The following ZMAT4 variants were observed in gnomAD, a reference collection of about 807,000 sequenced individuals.
The protein encoded by ZMAT4 is zinc finger matrin-type 4, also known as zinc finger matrin-type protein 4.
ZMAT4 carries 17 observed loss-of-function variants against 28.7 expected under a neutral mutation model. That is an observed-to-expected ratio of 0.59 (90% CI 0.41 to 0.89). ZMAT4 has a LOEUF of 0.89. Among genes scored for constraint, ZMAT4 ranks in the 40% least tolerant of loss-of-function variants. The pLI, the probability that ZMAT4 is intolerant of heterozygous loss-of-function variation, is 0.00. For missense variants in ZMAT4, 240 were observed against 283.8 expected (o/e 0.85, Z 1.11); for synonymous variants, 117 against 109.2 (o/e 1.07, Z -0.44).
At chr8:40,794,559 A>T (rs549590590) in intron 2 of ZMAT4, among the ~76,000 whole-genome samples, 2 of 151,960 alleles carry the variant, frequency 1.3e-5, no homozygotes, top group African/African-American at 4.8e-5. Flanking sequence ...TGTCTTAGGG[A>T]TGGGGGAAAG....
At chr8:40,649,154 A>T (rs1316368235) in intron 5 of ZMAT4, among the ~76,000 whole-genome samples, 1 of 152,110 alleles carries the variant, frequency 6.6e-6, no homozygotes, top group Non-Finnish European at 1.5e-5. Flanking sequence ...GTCAAGACCC[A>T]TCAGTGTGCT....
chr8:40,863,513 A>G (rs1158616762), intron 1 of ZMAT4, among the ~76,000 whole-genome samples: 2 of 152,186 alleles, frequency 1.3e-5, no homozygotes, highest in Non-Finnish European at 2.9e-5. Flanking sequence ...GGGGCAGAGA[A>G]GAACACAAGA....
chr8:40,887,497 A>AT (rs1295368636), intron 1 of ZMAT4, among the ~76,000 whole-genome samples: 2 of 152,074 alleles, frequency 1.3e-5, no homozygotes, highest in Non-Finnish European at 2.9e-5. Flanking sequence ...TCAGAAAAAA[A>AT]AAAAAAAAGT....
chr8:40,536,153 T>G (rs1292260788), intron 6 of ZMAT4, among the ~76,000 whole-genome samples: 1 of 152,206 alleles, frequency 6.6e-6, no homozygotes, highest in African/African-American at 2.4e-5. Context: ...ATTGAACATT[T>G]CCTAATTTCT....
At chr8:40,673,373 C>T (rs1346108709) in intron 5 of ZMAT4, among the ~76,000 whole-genome samples, 5 of 152,102 alleles carry the variant, frequency 3.3e-5, no homozygotes, top group Non-Finnish European at 7.4e-5. Context: ...TTATAATTAT[C>T]CCCCTTACAG....
intron 3 of ZMAT4, among the ~76,000 whole-genome samples, chr8:40,742,087 A>AAAAAAAACAAAAAACAAAAAAC (rs10624990): frequency 2.0e-5 from 3 of 148,608 alleles, no homozygotes; most frequent in Non-Finnish European, 4.5e-5. Flanking sequence ...AAAAATACAA[A>AAAAAAAACAAAAAACAAAAAAC]AAAAAACAAA....
intron 2 of ZMAT4, among the ~76,000 whole-genome samples, chr8:40,824,751 AAAAAGAAAGAAAG>A (rs562052904): frequency 1.5e-4 from 23 of 151,420 alleles, no homozygotes; most frequent in East Asian, 5.8e-4. Flanking sequence ...AAGAAAAGAA[AAAAAGAAAGAAAG>A]AAAAGAAAGA....
chr8:40,601,122 T>G (rs1405892516), intron 5 of ZMAT4, among the ~76,000 whole-genome samples: 11 of 152,000 alleles, frequency 7.2e-5, no homozygotes, highest in Non-Finnish European at 1.3e-4. Flanking sequence ...ATGAAAAACT[T>G]TATTCAGTTG....
At chr8:40,802,685 G>T (rs1412627236) in intron 2 of ZMAT4, among the ~76,000 whole-genome samples, 1 of 152,044 alleles carries the variant, frequency 6.6e-6, no homozygotes, top group Non-Finnish European at 1.5e-5. Flanking sequence ...ATCTGAAAAA[G>T]TTATTTTGTG....
At chr8:40,640,155 T>G (rs937162749) in intron 5 of ZMAT4, among the ~76,000 whole-genome samples, 4 of 152,148 alleles carry the variant, frequency 2.6e-5, no homozygotes, top group Admixed American at 1.3e-4. Flanking sequence ...TTTTCTTGTT[T>G]TTTGTAGAGA....
chr8:40,538,536 A>G (rs974744085), intron 6 of ZMAT4, among the ~76,000 whole-genome samples: 20 of 152,256 alleles, frequency 1.3e-4, no homozygotes, highest in African/African-American at 3.6e-4. Context: ...GAATACATCT[A>G]TTTAAATATT....
intron 6 of ZMAT4, among the ~76,000 whole-genome samples, chr8:40,562,012 C>A (rs1803760092): frequency 1.3e-5 from 2 of 152,128 alleles, no homozygotes; most frequent in African/African-American, 4.8e-5. Context: ...TGAAGTCAGT[C>A]AGGTGCAATG....
chr8:40,614,683 C>T (rs983999510), intron 5 of ZMAT4, among the ~76,000 whole-genome samples: 1 of 152,146 alleles, frequency 6.6e-6, no homozygotes, highest in Non-Finnish European at 1.5e-5. Context: ...TATGTAATGG[C>T]CTTGTTTGTC....
chr8:40,801,809 A>G (rs1294676301), intron 2 of ZMAT4, among the ~76,000 whole-genome samples: 1 of 152,196 alleles, frequency 6.6e-6, no homozygotes, highest in Non-Finnish European at 1.5e-5. Context: ...TCTCCTATGA[A>G]CATAGATGCA....
chr8:40,576,819 C>T (rs1438454526), intron 6 of ZMAT4, among the ~76,000 whole-genome samples: 1 of 152,014 alleles, frequency 6.6e-6, no homozygotes, highest in Non-Finnish European at 1.5e-5. Flanking sequence ...ACAATAAATC[C>T]AAAACCTAAA....
At chr8:40,885,556 G>A (rs998358655) in intron 1 of ZMAT4, among the ~76,000 whole-genome samples, 2 of 152,044 alleles carry the variant, frequency 1.3e-5, no homozygotes, top group African/African-American at 4.8e-5. Flanking sequence ...GACGAGTCTT[G>A]CTCTGTCACC....
chr8:40,887,605 A>G (rs1026948984), intron 1 of ZMAT4, among the ~76,000 whole-genome samples: 5 of 152,152 alleles, frequency 3.3e-5, no homozygotes, highest in East Asian at 1.9e-4. Flanking sequence ...TTCCCAAAGC[A>G]TGGTAAGAAC....
At chr8:40,796,934 G>A (rs1414771237) in intron 2 of ZMAT4, among the ~76,000 whole-genome samples, 1 of 152,140 alleles carries the variant, frequency 6.6e-6, no homozygotes, top group Non-Finnish European at 1.5e-5. Flanking sequence ...CCCCATAACT[G>A]GCTAACTGGC....
Position 40,885,913 on chromosome 8 carries a change from C to A in ZMAT4, c.-5+11770G>T, listed in dbSNP as rs538052808. Among the ~76,000 whole-genome samples the A allele has an allele frequency of 5.3e-4, 81 of 152,340 alleles. 1 individual carries two copies. The highest frequency in any genetic ancestry group is 1.9e-3 in the African/African-American group (80 of 41,560). The stretch of plus-strand genomic sequence containing the variant: ...TTCTCCCTTGCACTCATTGGCCCTT[C>A]CACAGGTTTGCTTATGTGTTTGCCG... On this transcript the variant is annotated intron_variant, in intron 1 of 6. Transcript: ENST00000297737.
Sources: allele counts gnomAD v4.1 joint callset (sites outside exome capture counted in the v4.1 genomes callset), GRCh38; gene constraint gnomAD v4.1.1; transcripts MANE v1.5; gene names NCBI Gene and HGNC (gene_info 2026-07-23, HGNC 2026-07-21).